Variants in BTLA observed in about 807,000 individuals in gnomAD.
BTLA encodes the protein B and T lymphocyte associated, also known as B- and T-lymphocyte attenuator.
Under a neutral mutation model 25.0 loss-of-function variants are expected in BTLA, and 11 were observed. The observed-to-expected ratio is 0.44, with a 90% CI of 0.28 to 0.73. The LOEUF (loss-of-function observed/expected upper bound fraction) is 0.73. Among genes scored for constraint, BTLA ranks in the 30% least tolerant of loss-of-function variants. The pLI, the probability that BTLA is intolerant of heterozygous loss-of-function variation, is 0.15. For missense variants in BTLA, 282 were observed against 332.8 expected (o/e 0.85, Z 1.19); for synonymous variants, 104 against 119.8 (o/e 0.87, Z 0.86).
chr3:112,495,872 CA>C (rs2082406445), intron 1 of BTLA, among the ~76,000 whole-genome samples: 1 of 152,100 alleles, frequency 6.6e-6, no homozygotes, highest in African/African-American at 2.4e-5. Context: ...GTCCATGGAC[CA>C]TACTGGACCA....
upstream of BTLA, chr3:112,499,608 G>C: frequency 2.4e-6 from 1 of 412,988 alleles, no homozygotes; most frequent in Non-Finnish European, 4.3e-6. Flanking sequence ...CAGGTTGGCT[G>C]TTCACTTTCA....
At chr3:112,471,875 G>C (rs2082264287) in intron 2 of BTLA, among the ~76,000 whole-genome samples, 1 of 152,138 alleles carries the variant, frequency 6.6e-6, no homozygotes, top group African/African-American at 2.4e-5. Context: ...AGCCTTAAAA[G>C]TGCTCTGCAT....
intron 4 of BTLA, among the ~76,000 whole-genome samples, chr3:112,468,287 G>A (rs2082241075): frequency 6.6e-6 from 1 of 152,150 alleles, no homozygotes; most frequent in African/African-American, 2.4e-5. Flanking sequence ...TCAGAGCTTT[G>A]GCTTTTATAT....
intron 4 of BTLA, among the ~76,000 whole-genome samples, chr3:112,469,172 T>C (rs1045837936): frequency 2.0e-5 from 3 of 152,186 alleles, no homozygotes; most frequent in Non-Finnish European, 2.9e-5. Context: ...CCAAACCTTA[T>C]AGGAAAGATT....
At chr3:112,469,952 T>G (rs1559823399) in intron 3 of BTLA, 148 bp from the exon 4 acceptor site, 4 of 604,232 alleles carry the variant, frequency 6.6e-6, no homozygotes, top group Non-Finnish European at 1.2e-5. Context: ...ACACACTTGT[T>G]TGTGATAATT....
At chr3:112,478,503 G>A (rs2082300866) in intron 2 of BTLA, among the ~76,000 whole-genome samples, 1 of 152,038 alleles carries the variant, frequency 6.6e-6, no homozygotes, top group South Asian at 2.1e-4. Flanking sequence ...CTAAATTCAT[G>A]TATTAGCTTT....
chr3:112,486,611 G>A (rs576478584), intron 1 of BTLA, among the ~76,000 whole-genome samples: 1 of 151,996 alleles, frequency 6.6e-6, no homozygotes, highest in African/African-American at 2.4e-5. Flanking sequence ...ACTAATAAAT[G>A]GATTGTATTA....
rs533853141 is a variant in BTLA, at chr3:112,468,694, T to G, written c.594+1064A>C. ...TAATTTCATAGCTCCCTGGCCTTATTGTAATCAAGTGAAATTTTTATTATT... is the reference window on the plus strand; with the variant it reads ...TAATTTCATAGCTCCCTGGCCTTATGGTAATCAAGTGAAATTTTTATTATT... On this transcript the variant is annotated intron_variant, in intron 4 of 4. Coordinates refer to ENST00000334529, the MANE Select transcript of BTLA (RefSeq NM_181780.4). Among the ~76,000 whole-genome samples the G allele has an allele frequency of 7.2e-5, 11 of 152,286 alleles. No homozygotes were observed. In the South Asian group the frequency reaches 2.1e-3, roughly 29 times the overall value.
Position 112,465,630 on chromosome 3 carries a change from C to A in BTLA, c.*478G>T, listed in dbSNP as rs1056049042. On this transcript the variant is annotated 3_prime_UTR_variant, in exon 5 of 5. Coordinates refer to ENST00000334529, the MANE Select transcript of BTLA (RefSeq NM_181780.4). Reference sequence around the variant, plus strand: ...TTAAGAAACACCATTCTTAGACTGACACAGCAAAAATTTCTTATTTTGGAA... The same window carrying A: ...TTAAGAAACACCATTCTTAGACTGAAACAGCAAAAATTTCTTATTTTGGAA... 6.5e-6 allele frequency: 1 copy of A among 152,750 alleles called. No individual in the cohort carries two copies. Among genetic ancestry groups the A allele is most frequent in the Non-Finnish European group, 1.5e-5 (1 of 68,142 alleles). 9.5% of individuals were successfully genotyped at this position (152,750 alleles called of 1,614,324 possible).
intron 4 of BTLA, among the ~76,000 whole-genome samples, chr3:112,468,308 C>T (rs2082241152): frequency 6.6e-6 from 1 of 152,188 alleles, no homozygotes; most frequent in East Asian, 1.9e-4. Flanking sequence ...GTACCTGTTA[C>T]ATTTGTACCA....
intron 2 of BTLA, among the ~76,000 whole-genome samples, chr3:112,472,525 C>A (rs2082268333): frequency 6.6e-6 from 1 of 151,712 alleles, no homozygotes; most frequent in Admixed American, 6.6e-5. Flanking sequence ...GGTGAAACCC[C>A]GTCTCTACTA....
intron 1 of BTLA, among the ~76,000 whole-genome samples, chr3:112,486,445 C>A (rs991382740): frequency 1.6e-4 from 25 of 151,516 alleles, no homozygotes; most frequent in African/African-American, 5.6e-4. Flanking sequence ...TGTATAAAAC[C>A]ATACAAATGA....
At chr3:112,491,915 A>G (rs1057453845) in intron 1 of BTLA, among the ~76,000 whole-genome samples, 1 of 152,254 alleles carries the variant, frequency 6.6e-6, no homozygotes, top group African/African-American at 2.4e-5. Flanking sequence ...GAAGAAAGGC[A>G]GCACATCCAA....
At chr3:112,496,079 G>A (rs1014997397) in intron 1 of BTLA, among the ~76,000 whole-genome samples, 2 of 152,170 alleles carry the variant, frequency 1.3e-5, no homozygotes, top group African/African-American at 4.8e-5. Flanking sequence ...CATATATGGT[G>A]TTGGTGATAC....
At chr3:112,483,844 T>C (rs1319596095) in intron 1 of BTLA, among the ~76,000 whole-genome samples, 2 of 151,964 alleles carry the variant, frequency 1.3e-5, no homozygotes, top group Non-Finnish European at 2.9e-5. Context: ...GGTGCGTGCC[T>C]GTAATCCCAG....
chr3:112,478,970 T>C (rs562598971), intron 2 of BTLA, among the ~76,000 whole-genome samples: 4 of 152,186 alleles, frequency 2.6e-5, no homozygotes, highest in Non-Finnish European at 4.4e-5. Flanking sequence ...TTGTTTGCTG[T>C]TTTTCCTCTA....
In BTLA at chr3:112,464,611, C is replaced by T. The variant is rs146465696; in HGVS notation, c.*1497G>A. ...AGTGTTACTTAAGAAAATCTCTCCA[C>T]CACAAAACCTCAGTTTTGTCTTTTT... On this transcript the variant is annotated 3_prime_UTR_variant, in exon 5 of 5. Coordinates refer to ENST00000334529, the MANE Select transcript of BTLA (RefSeq NM_181780.4). The T allele has an allele frequency of 1.5e-4, 24 of 155,704 alleles. 1 individual carries two copies. In the East Asian group the frequency reaches 4.5e-3, roughly 29 times the overall value. The allele number at this position is 155,704 out of a possible 1,614,324, so 9.6% of individuals were successfully genotyped here. A position where few individuals can be genotyped will look rare whatever the true frequency, so the allele number is the denominator to read the frequency against.
intron 2 of BTLA, among the ~76,000 whole-genome samples, chr3:112,473,294 C>A (rs2082272540): frequency 6.6e-6 from 1 of 152,016 alleles, no homozygotes; most frequent in Non-Finnish European, 1.5e-5. Context: ...TCAGTAAGCA[C>A]AATTTGTGGA....
At chr3:112,499,486 A>G (rs79951472), upstream of BTLA, 354 of 656,186 alleles carry the variant, frequency 5.4e-4, 1 homozygote, top group African/African-American at 6.0e-3. Flanking sequence ...AAAAAAAAAA[A>G]AAGAAGAGAG....
Sources: allele counts gnomAD v4.1 joint callset (sites outside exome capture counted in the v4.1 genomes callset), GRCh38; gene constraint gnomAD v4.1.1; transcripts MANE v1.5; gene names NCBI Gene and HGNC (gene_info 2026-07-23, HGNC 2026-07-21).